Variants in CHST11 observed in about 807,000 individuals in gnomAD.
The protein encoded by CHST11 is carbohydrate sulfotransferase 11.
In CHST11, 9 loss-of-function variants were observed where a neutral mutation model predicts 30.4. The ratio of observed to expected loss-of-function variants is 0.30; its 90% CI spans 0.18 to 0.52. The LOEUF is 0.52. Ranked by LOEUF, CHST11 falls within the 20% of genes least tolerant of loss-of-function variation. CHST11 has a pLI of 0.97. For synonymous variants in CHST11, 152 were observed against 187.8 expected, an observed-to-expected ratio of 0.81 and a Z score of 1.56; for missense variants, 348 against 460.6, an observed-to-expected ratio of 0.76 and a Z score of 2.24.
chr12:104,758,259 C>G lies in CHST11; in HGVS notation c.*456C>G, dbSNP rs897869902. The G allele has an allele frequency of 1.3e-5, 2 of 156,392 alleles. No homozygotes were observed. Among genetic ancestry groups the G allele is most frequent in the Non-Finnish European group, 2.8e-5 (2 of 70,854 alleles). 9.7% of individuals were successfully genotyped at this position (156,392 alleles called of 1,614,324 possible). A position where few individuals can be genotyped will look rare whatever the true frequency, so the allele number is the denominator to read the frequency against. On this transcript the variant is annotated 3_prime_UTR_variant, in exon 3 of 3. Coordinates refer to ENST00000303694, the MANE Select transcript of CHST11 (RefSeq NM_018413.6). ...CTCTCATGGAGTCATGTGATAACAGCCATTGTCATGTGTATGGATGCCACC... is the reference window on the plus strand; with the variant it reads ...CTCTCATGGAGTCATGTGATAACAGGCATTGTCATGTGTATGGATGCCACC...
At chr12:104,485,114 T>C (rs1453269603) in intron 1 of CHST11, among the ~76,000 whole-genome samples, 3 of 152,206 alleles carry the variant, frequency 2.0e-5, no homozygotes, top group African/African-American at 7.2e-5. Context: ...TTGGAATTGC[T>C]GCTCCAGGAC....
At chr12:104,738,861 C>T (rs2040323861) in intron 2 of CHST11, among the ~76,000 whole-genome samples, 1 of 152,260 alleles carries the variant, frequency 6.6e-6, no homozygotes, top group Admixed American at 6.5e-5. Context: ...TCATATCTTG[C>T]TTCAAACTGG....
At chr12:104,603,977 A>G (rs542332081) in intron 2 of CHST11, among the ~76,000 whole-genome samples, 169 of 152,056 alleles carry the variant, frequency 1.1e-3, no homozygotes, top group African/African-American at 3.7e-3. Flanking sequence ...ACATGTACCT[A>G]GGAACATATA....
intron 2 of CHST11, among the ~76,000 whole-genome samples, chr12:104,632,992 C>T (rs1377477926): frequency 2.0e-5 from 3 of 152,358 alleles, no homozygotes; most frequent in South Asian, 2.1e-4. Flanking sequence ...TCTTTATCAT[C>T]GACTTTGTCA....
chr12:104,740,058 G>A lies in CHST11; in HGVS notation c.205-16891G>A, dbSNP rs78024824. 2.9e-3 allele frequency among the ~76,000 whole-genome samples: 447 copies of A among 152,294 alleles called. 3 individuals carry two copies. The highest frequency in any genetic ancestry group is 0.01 in the African/African-American group (418 of 41,550). On this transcript the variant is annotated intron_variant, in intron 2 of 2. Coordinates refer to ENST00000303694, the MANE Select transcript of CHST11 (RefSeq NM_018413.6). The stretch of plus-strand genomic sequence containing the variant: ...GAGACACTGATTTTCTGTAAAAATT[G>A]TATCCTGAAATCAATGTATTTAGTT...
chr12:104,712,330 T>A (rs1431307459), intron 2 of CHST11, among the ~76,000 whole-genome samples: 1 of 152,078 alleles, frequency 6.6e-6, no homozygotes, highest in African/African-American at 2.4e-5. Flanking sequence ...CTCCTCATCT[T>A]CTGTAATGAG....
chr12:104,644,758 C>T (rs2039409922), intron 2 of CHST11, among the ~76,000 whole-genome samples: 1 of 152,182 alleles, frequency 6.6e-6, no homozygotes, highest in Non-Finnish European at 1.5e-5. Flanking sequence ...ACTGGCTGGA[C>T]CTCCATCTCA....
intron 1 of CHST11, among the ~76,000 whole-genome samples, chr12:104,486,150 A>T (rs7955767): frequency 0.028 from 4,197 of 152,218 alleles, 199 homozygotes; most frequent in African/African-American, 0.097. Flanking sequence ...CTTCCAGTGC[A>T]TGCTGCTAGT....
chr12:104,508,902 C>A (rs2037934497), intron 1 of CHST11, among the ~76,000 whole-genome samples: 1 of 152,092 alleles, frequency 6.6e-6, no homozygotes, highest in Non-Finnish European at 1.5e-5. Flanking sequence ...TCTACCACTA[C>A]CACAACAACC....
intron 2 of CHST11, among the ~76,000 whole-genome samples, chr12:104,618,887 C>G (rs1017180435): frequency 6.6e-6 from 1 of 152,222 alleles, no homozygotes; most frequent in Non-Finnish European, 1.5e-5. Flanking sequence ...ACCAGCTCAA[C>G]TGGGGTCGAC....
chr12:104,569,821 A>T (rs1469774188), intron 1 of CHST11, among the ~76,000 whole-genome samples: 1 of 152,116 alleles, frequency 6.6e-6, no homozygotes, highest in East Asian at 1.9e-4. Context: ...GGAGTCCCCA[A>T]CCCTGGGCTT....
intron 1 of CHST11, among the ~76,000 whole-genome samples, chr12:104,534,371 C>T (rs2038215912): frequency 6.6e-6 from 1 of 152,194 alleles, no homozygotes; most frequent in East Asian, 1.9e-4. Context: ...ATTCTCACGA[C>T]TTAGCCTCTT....
intron 2 of CHST11, among the ~76,000 whole-genome samples, chr12:104,651,179 AC>A (rs1378565672): frequency 6.6e-6 from 1 of 152,138 alleles, no homozygotes; most frequent in Non-Finnish European, 1.5e-5. Context: ...TTCTAAATTA[AC>A]CTAAAACTTT....
chr12:104,597,714 G>T (rs2038919942), intron 1 of CHST11, among the ~76,000 whole-genome samples: 1 of 152,188 alleles, frequency 6.6e-6, no homozygotes, highest in Non-Finnish European at 1.5e-5. Flanking sequence ...ATAAAAACTT[G>T]TCGAATGAAT....
At chr12:104,547,018 TA>T (rs908591306) in intron 1 of CHST11, among the ~76,000 whole-genome samples, 5 of 152,226 alleles carry the variant, frequency 3.3e-5, no homozygotes, top group African/African-American at 1.2e-4. Flanking sequence ...TTTTTCTATT[TA>T]AAAAATTATC....
At position 104,600,710 on chromosome 12, in the gene CHST11, G is replaced by A. The variant is rs923963116; in HGVS notation, c.119-1196G>A. Among the ~76,000 whole-genome samples the A allele has an allele frequency of 1.3e-5, 2 of 152,192 alleles. No individual in the cohort carries two copies. Among genetic ancestry groups the A allele is most frequent in the Admixed American group, 6.5e-5 (1 of 15,288 alleles). On this transcript the variant is annotated intron_variant, in intron 1 of 2. Transcript: ENST00000303694. The surrounding 1 kb of genome is among the most constrained non-coding windows in gnomAD (Gnocchi z 4.1). ...GTCCTGCTGTCCATTCATTGCCTCT[G>A]TGGAGCAGGTGAATTCTTTAGGCTC...
intron 2 of CHST11, among the ~76,000 whole-genome samples, chr12:104,725,277 C>A (rs943526900): frequency 6.6e-6 from 1 of 152,130 alleles, no homozygotes; most frequent in Non-Finnish European, 1.5e-5. Flanking sequence ...GTTTCTTTGC[C>A]TTCCTTTATG....
At chr12:104,707,580 G>A (rs1231313508) in intron 2 of CHST11, among the ~76,000 whole-genome samples, 1 of 152,158 alleles carries the variant, frequency 6.6e-6, no homozygotes, top group Non-Finnish European at 1.5e-5. Context: ...CCTGGAGACT[G>A]TAAACCTAGT....
chr12:104,575,469 G>A (rs1178146689), intron 1 of CHST11, among the ~76,000 whole-genome samples: 2 of 152,204 alleles, frequency 1.3e-5, no homozygotes, highest in Admixed American at 6.5e-5. Context: ...TGGCATTGCA[G>A]GGATGAGGGT....
Sources: gnomAD v4.1 joint callset for allele counts (sites outside exome capture counted in the v4.1 genomes callset) on GRCh38, gnomAD v4.1.1 for gene constraint, Gnocchi (gnomAD v3.1) non-coding constraint, MANE v1.5 for transcripts, NCBI Gene and HGNC (gene_info 2026-07-23, HGNC 2026-07-21) for gene names.